PARD3B: variants seen among roughly 807,000 people sequenced by gnomAD.
The protein encoded by PARD3B is partitioning defective 3 homolog B.
In PARD3B, 103 loss-of-function variants were observed where a neutral mutation model predicts 130.2. The ratio of observed to expected loss-of-function variants is 0.79; its 90% CI spans 0.67 to 0.93. The LOEUF is 0.93. Among genes scored for constraint, PARD3B ranks in the 40% least tolerant of loss-of-function variants. The pLI is 0.00. For synonymous variants in PARD3B, 583 were observed against 553.2 expected (o/e 1.05, Z -0.76); for missense variants, 1,609 against 1,499.2 (o/e 1.07, Z -1.21).
At chr2:205,579,281 G>A (rs2053876242) in intron 22 of PARD3B, among the ~76,000 whole-genome samples, 1 of 152,122 alleles carries the variant, frequency 6.6e-6, no homozygotes, top group Non-Finnish European at 1.5e-5. Flanking sequence ...GCCCATTTAA[G>A]GAAGAAAAAA....
intron 18 of PARD3B, among the ~76,000 whole-genome samples, chr2:205,383,569 A>G (rs887651121): frequency 2.0e-5 from 3 of 152,022 alleles, no homozygotes; most frequent in Non-Finnish European, 4.4e-5. Context: ...TATAGTTTGT[A>G]TATCTGTTTG....
At chr2:204,671,860 G>A (rs1379301607) in intron 1 of PARD3B, among the ~76,000 whole-genome samples, 2 of 152,138 alleles carry the variant, frequency 1.3e-5, no homozygotes, top group African/African-American at 2.4e-5. Context: ...ATATTAATAT[G>A]TATGCATGAA....
chr2:204,651,117 T>C (rs2035461587), intron 1 of PARD3B, among the ~76,000 whole-genome samples: 1 of 152,180 alleles, frequency 6.6e-6, no homozygotes, highest in Non-Finnish European at 1.5e-5. Flanking sequence ...CCAAATCTCA[T>C]GTCCTTCTCA....
intron 1 of PARD3B, among the ~76,000 whole-genome samples, chr2:204,556,859 G>A (rs2030956748): frequency 6.6e-6 from 1 of 152,010 alleles, no homozygotes; most frequent in African/African-American, 2.4e-5. Flanking sequence ...TCACTTGGTT[G>A]GTTATGCTGG....
chr2:205,403,338 T>C (rs1344036639), intron 19 of PARD3B, among the ~76,000 whole-genome samples: 3 of 152,186 alleles, frequency 2.0e-5, no homozygotes, highest in Admixed American at 6.5e-5. Flanking sequence ...AGGAACCAAT[T>C]GTTAAACTTT....
At chr2:205,560,116 A>C (rs1008530205) in intron 22 of PARD3B, among the ~76,000 whole-genome samples, 10 of 152,122 alleles carry the variant, frequency 6.6e-5, no homozygotes, top group Admixed American at 2.0e-4. Flanking sequence ...TGGGTTTTTA[A>C]CCCAAACAGT....
At chr2:205,025,358 C>G (rs1053515264) in intron 3 of PARD3B, among the ~76,000 whole-genome samples, 3 of 152,202 alleles carry the variant, frequency 2.0e-5, no homozygotes, top group Non-Finnish European at 4.4e-5. Context: ...AAGTGTCAGC[C>G]TTTCTCCTAC....
At chr2:205,076,774 C>G (rs1405473576) in intron 4 of PARD3B, among the ~76,000 whole-genome samples, 2 of 149,760 alleles carry the variant, frequency 1.3e-5, no homozygotes, top group Non-Finnish European at 3.0e-5. Context: ...AACCATTACC[C>G]CATTTCCCCC....
At chr2:204,596,288 T>A (rs929313748) in intron 1 of PARD3B, among the ~76,000 whole-genome samples, 7 of 152,204 alleles carry the variant, frequency 4.6e-5, no homozygotes, top group Non-Finnish European at 8.8e-5. Context: ...ATCCAGCTCT[T>A]CAAATCATTA....
intron 10 of PARD3B, among the ~76,000 whole-genome samples, chr2:205,154,706 C>G (rs1003971421): frequency 6.6e-6 from 1 of 152,142 alleles, no homozygotes; most frequent in African/African-American, 2.4e-5. Flanking sequence ...CTATGGAATA[C>G]TATGCATCCA....
chr2:205,122,201 C>T lies in PARD3B; in HGVS notation c.1165+252C>T, dbSNP rs1367801175. On this transcript the variant is annotated intron_variant, in intron 8 of 22. Coordinates refer to ENST00000406610, the MANE Select transcript of PARD3B (RefSeq NM_001302769.2). This position sits in a 1 kb window ranked among gnomAD's most constrained non-coding sequence, Gnocchi z 4.3. ...GGGAAGTGGAAAGAATCATTGCAAA[C>T]CTGATATCAACAGAGCAATATTGTA... is the stretch of plus-strand genomic sequence containing the variant. 3.3e-5 allele frequency among the ~76,000 whole-genome samples: 5 copies of T among 152,042 alleles called. No individual in the cohort carries two copies. Among genetic ancestry groups the T allele is most frequent in the Non-Finnish European group, 7.4e-5 (5 of 68,002 alleles).
rs77618943 is a variant in PARD3B at position 205,195,188 on chromosome 2, G to A, written c.2140+1868G>A. 2.8e-3 allele frequency among the ~76,000 whole-genome samples: 432 copies of A among 152,126 alleles called. 2 individuals carry two copies. Among genetic ancestry groups the A allele is most frequent in the African/African-American group, 9.6e-3 (399 of 41,506 alleles). ...CCTAGCAAAATATATGTAGTTAGCC[G>A]TCATTCTTTGCATTTTTTTATACAT... is the stretch of plus-strand genomic sequence containing the variant. On this transcript the variant is annotated intron_variant, in intron 15 of 22. Coordinates refer to ENST00000406610, the MANE Select transcript of PARD3B (RefSeq NM_001302769.2).
chr2:204,653,564 G>C (rs1372607204), intron 1 of PARD3B, among the ~76,000 whole-genome samples: 1 of 150,718 alleles, frequency 6.6e-6, no homozygotes, highest in Non-Finnish European at 1.5e-5. Context: ...GCCGAGGTGG[G>C]TGGATCACCT....
intron 2 of PARD3B, among the ~76,000 whole-genome samples, chr2:204,821,885 T>C (rs2043373422): frequency 6.6e-6 from 1 of 152,080 alleles, no homozygotes; most frequent in South Asian, 2.1e-4. Flanking sequence ...TTCTTCCCAG[T>C]CTCAGGTTTG....
At chr2:204,557,844 T>G (rs2031029132) in intron 1 of PARD3B, among the ~76,000 whole-genome samples, 1 of 152,234 alleles carries the variant, frequency 6.6e-6, no homozygotes, top group Non-Finnish European at 1.5e-5. Context: ...TTTTTCAGAC[T>G]GAGTGCTCTG....
chr2:205,417,264 C>T (rs866947104), intron 19 of PARD3B, among the ~76,000 whole-genome samples: 1 of 152,058 alleles, frequency 6.6e-6, no homozygotes, highest in African/African-American at 2.4e-5. Flanking sequence ...TGAACTCACC[C>T]TTTCTTATGG....
intron 19 of PARD3B, among the ~76,000 whole-genome samples, chr2:205,411,759 C>T (rs2046606801): frequency 6.6e-6 from 1 of 152,060 alleles, no homozygotes. Flanking sequence ...AGAAGCTTCT[C>T]CTCATTTTTT....
rs561996138 is a variant in PARD3B at position 205,244,346 on chromosome 2, T to G, written c.2141-1432T>G. ...TTCAACCCTTGAGACCACAGTTTTG[T>G]GTACTAACATAGACAGTGGCACATG... On this transcript the variant is annotated intron_variant, in intron 15 of 22. Transcript: ENST00000406610. The surrounding 1 kb of genome is among the most constrained non-coding windows in gnomAD (Gnocchi z 4.7). Among the ~76,000 whole-genome samples the G allele has an allele frequency of 9.2e-5, 14 of 152,228 alleles. No homozygotes were observed. Among genetic ancestry groups the G allele is most frequent in the Non-Finnish European group, 1.9e-4 (13 of 68,048 alleles).
chr2:204,859,129 C>A (rs1270254876), intron 2 of PARD3B, among the ~76,000 whole-genome samples: 1 of 151,798 alleles, frequency 6.6e-6, no homozygotes, highest in Non-Finnish European at 1.5e-5. Context: ...CATTGAAGAC[C>A]AATATTTAAT....
Sources: gnomAD v4.1 joint callset for allele counts (sites outside exome capture counted in the v4.1 genomes callset) on GRCh38, gnomAD v4.1.1 for gene constraint, Gnocchi (gnomAD v3.1) non-coding constraint, MANE v1.5 for transcripts, NCBI Gene and HGNC (gene_info 2026-07-23, HGNC 2026-07-21) for gene names.